GCG: variants seen among roughly 807,000 people sequenced by gnomAD.
The protein encoded by GCG is glucagon.
GCG carries 11 observed loss-of-function variants against 22.8 expected under a neutral mutation model. The observed-to-expected ratio is 0.48, with a 90% CI of 0.30 to 0.80. The LOEUF is 0.80. Among genes scored for constraint, GCG ranks in the 30% least tolerant of loss-of-function variants. GCG has a pLI of 0.06. For missense variants in GCG, 222 were observed against 222.0 expected, an observed-to-expected ratio of 1.00 and a Z score of 0.00; for synonymous variants, 89 against 72.4, an observed-to-expected ratio of 1.23 and a Z score of -1.16.
In GCG at chr2:162,149,205, G is replaced by A. The variant is rs762834023; in HGVS notation, c.-9-18C>T. The A allele has an allele frequency of 6.1e-6, 9 of 1,472,446 alleles. No individual in the cohort carries two copies. Among genetic ancestry groups the A allele is most frequent in the Non-Finnish European group, 8.6e-6 (9 of 1,052,548 alleles). The allele number at this position is 1,472,446 out of a possible 1,614,324, so 91.2% of individuals were successfully genotyped here. Reference sequence around the variant, plus strand: ...TCTGCTGTCTGTCAGAACACAGAATGGGGGTAGGGTGAGGGGGGCAGGCAA... The same window carrying A: ...TCTGCTGTCTGTCAGAACACAGAATAGGGGTAGGGTGAGGGGGGCAGGCAA... On this transcript the variant is annotated intron_variant, in intron 1 of 5. Transcript: ENST00000418842.
In GCG at chr2:162,149,137, C is replaced by T. The variant is rs1226984941; in HGVS notation, c.42G>A (p.Leu14=). Residue 14 remains leucine, a synonymous_variant, in exon 2 of 6, where the codon CTG becomes CTA. Coordinates refer to ENST00000418842, the MANE Select transcript of GCG (RefSeq NM_002054.5). The stretch of plus-strand genomic sequence containing the variant: ...GGGAACGTTGCCAGCTGCCTTGTAC[C>T]AGCATTACAAATAATCCAGCCACAA... The part of the protein sequence containing the change: ...IYFVAGLFVM[L]VQGSWQRSLQ... 3 of 1,612,434 alleles carry T rather than the reference C, an allele frequency of 1.9e-6. No homozygotes were observed. In the South Asian group the frequency reaches 3.3e-5, roughly 18 times the overall value.
At chr2:162,151,325 G>A (rs1297371404) in intron 1 of GCG, among the ~76,000 whole-genome samples, 1 of 152,002 alleles carries the variant, frequency 6.6e-6, no homozygotes, top group East Asian at 1.9e-4. Flanking sequence ...TTTTCAAACT[G>A]GTTAGCTCAT....
intron 3 of GCG, among the ~76,000 whole-genome samples, chr2:162,146,298 C>A (rs778097159): frequency 3.1e-4 from 47 of 152,114 alleles, no homozygotes; most frequent in Non-Finnish European, 5.9e-4. Context: ...GGCAACACTG[C>A]TTGAGTGTGA....
intron 2 of GCG, among the ~76,000 whole-genome samples, chr2:162,148,532 T>C (rs1302798809): frequency 6.6e-6 from 1 of 152,062 alleles, no homozygotes; most frequent in Non-Finnish European, 1.5e-5. Context: ...GTTAAGATAT[T>C]AAGCATGATA....
At chr2:162,149,476 A>C (rs941387927) in intron 1 of GCG, among the ~76,000 whole-genome samples, 1 of 152,098 alleles carries the variant, frequency 6.6e-6, no homozygotes, top group Non-Finnish European at 1.5e-5. Flanking sequence ...TCATTTCCAG[A>C]CTGGAAATTA....
At chr2:162,146,117 C>A (rs543719484) in intron 3 of GCG, among the ~76,000 whole-genome samples, 29 of 152,224 alleles carry the variant, frequency 1.9e-4, no homozygotes, top group African/African-American at 6.5e-4. Flanking sequence ...ACCAAAAGGA[C>A]CACTTGATAA....
At position 162,143,360 on chromosome 2, in the gene GCG, A is replaced by C. The variant is rs1233436228; in HGVS notation, c.*4T>G. 3 of 1,231,994 alleles carry C rather than the reference A, an allele frequency of 2.4e-6. No individual in the cohort carries two copies. The highest frequency in any genetic ancestry group is 3.4e-6 in the Non-Finnish European group (3 of 875,286). 76.3% of individuals were successfully genotyped at this position (1,231,994 alleles called of 1,614,324 possible). On this transcript the variant is annotated 3_prime_UTR_variant, in exon 6 of 6. Transcript: ENST00000418842. ...TGTGAAGATGATCTTGAATAGTGATATAGTTATTTCCTAGAGATTAAAAAA... is the reference window on the plus strand; with the variant it reads ...TGTGAAGATGATCTTGAATAGTGATCTAGTTATTTCCTAGAGATTAAAAAA...
At chr2:162,147,261 T>C in intron 3 of GCG, 92 bp downstream of exon 3, 1 of 932,748 alleles carries the variant, frequency 1.1e-6, no homozygotes, top group South Asian at 1.5e-5. Context: ...GGGCACTATT[T>C]GACGAGCATA....
chr2:162,148,029 T>C (rs960237565), intron 2 of GCG, among the ~76,000 whole-genome samples: 1 of 152,164 alleles, frequency 6.6e-6, no homozygotes, highest in African/African-American at 2.4e-5. Flanking sequence ...TTTGAAACTG[T>C]ATCAGGAATA....
At chr2:162,144,371 C>A in intron 4 of GCG, 1 of 555,096 alleles carries the variant, frequency 1.8e-6, no homozygotes. Flanking sequence ...GAGCTGGGAT[C>A]TAATACCAAG....
intron 3 of GCG, among the ~76,000 whole-genome samples, chr2:162,146,878 G>A (rs1221468592): frequency 6.6e-6 from 1 of 152,116 alleles, no homozygotes; most frequent in African/African-American, 2.4e-5. Context: ...CAGCTAGGCT[G>A]TAATTTTAAA....
chr2:162,145,629 C>T lies in GCG; in HGVS notation c.303G>A (p.Gly101=). 6.2e-7 allele frequency: 1 copy of T among 1,610,584 alleles called. No homozygotes were observed. The highest frequency in any genetic ancestry group is 8.5e-7 in the Non-Finnish European group (1 of 1,177,802). The change falls in exon 4 of 6, where the codon GGG becomes GGA. Residue 101 remains glycine, a synonymous_variant. Transcript: ENST00000418842. ...AAGAACTTACATCACTGGTAAAGGT[C>T]CCTTCAGCATGTCTCTCAAATTCAT... ...RHDEFERHAE[G]TFTSDVSSYL...
At chr2:162,146,566 C>T (rs1428296922) in intron 3 of GCG, among the ~76,000 whole-genome samples, 1 of 136,046 alleles carries the variant, frequency 7.4e-6, no homozygotes, top group African/African-American at 3.6e-5. Context: ...CTCTCTCTCT[C>T]TCTCTCTCCT....
intron 2 of GCG, 160 bp from the exon 3 acceptor site, chr2:162,147,674 G>A: frequency 1.3e-6 from 1 of 765,202 alleles, no homozygotes; most frequent in South Asian, 1.4e-5. Flanking sequence ...AGCTTGTCAT[G>A]AGAATCCCTT....
Position 162,149,070 on chromosome 2 carries a change from G to C in GCG, c.92+17C>G, listed in dbSNP as rs377351215. 8.0e-6 allele frequency: 12 copies of C among 1,497,696 alleles called. No homozygotes were observed. The South Asian group carries it at 1.4e-4, about 17-fold the overall frequency. The allele number at this position is 1,497,696 out of a possible 1,614,324, so 92.8% of individuals were successfully genotyped here. On this transcript the variant is annotated intron_variant, in intron 2 of 5. Coordinates refer to ENST00000418842, the MANE Select transcript of GCG (RefSeq NM_002054.5). ...CAACCATATTGATATGTTAGTTCGAGACTACGGATTTAATACCTGGATTTC... is the reference window on the plus strand; with the variant it reads ...CAACCATATTGATATGTTAGTTCGACACTACGGATTTAATACCTGGATTTC...
chr2:162,147,969 G>A (rs1011241141), intron 2 of GCG, among the ~76,000 whole-genome samples: 1 of 151,972 alleles, frequency 6.6e-6, no homozygotes, highest in African/African-American at 2.4e-5. Flanking sequence ...AGCAGTGGAA[G>A]GAAGACAACT....
intron 2 of GCG, among the ~76,000 whole-genome samples, chr2:162,148,146 G>A (rs1196983183): frequency 6.6e-6 from 1 of 152,096 alleles, no homozygotes; most frequent in Admixed American, 6.6e-5. Context: ...TATGAAATTA[G>A]CAAAGCTTGA....
At chr2:162,146,556 C>CTCTG (rs1686690085) in intron 3 of GCG, among the ~76,000 whole-genome samples, 1 of 150,686 alleles carries the variant, frequency 6.6e-6, no homozygotes, top group African/African-American at 2.5e-5. Flanking sequence ...CTCTCTCTCT[C>CTCTG]TCTCTCTCTC....
chr2:162,148,449 C>T (rs1464596578), intron 2 of GCG, among the ~76,000 whole-genome samples: 1 of 151,948 alleles, frequency 6.6e-6, no homozygotes, highest in Non-Finnish European at 1.5e-5. Context: ...TGAGATGAAA[C>T]AGTATGCTGC....
Sources: gnomAD v4.1 joint callset for allele counts (sites outside exome capture counted in the v4.1 genomes callset) on GRCh38, gnomAD v4.1.1 for gene constraint, MANE v1.5 for transcripts, NCBI Gene and HGNC (gene_info 2026-07-23, HGNC 2026-07-21) for gene names.